Variants in CDKN2A observed in about 807,000 individuals in gnomAD.
CDKN2A encodes cyclin dependent kinase inhibitor 2A.
In CDKN2A, 3 loss-of-function variants were observed where a neutral mutation model predicts 11.1. That is an observed-to-expected ratio of 0.27 (90% CI 0.12 to 0.70). The LOEUF is 0.70. CDKN2A is among the 30% of genes least tolerant of loss of function. The pLI, the probability that CDKN2A is intolerant of heterozygous loss-of-function variation, is 0.77. For missense variants in CDKN2A, 265 were observed against 233.6 expected (o/e 1.13, Z -0.88); for synonymous variants, 122 against 108.1 (o/e 1.13, Z -0.80).
chr9:21,970,690 T>G, intron 2 of CDKN2A: 2 of 648,586 alleles, frequency 3.1e-6, no homozygotes, highest in Non-Finnish European at 5.4e-6. Flanking sequence ...AAAATGGGCT[T>G]TCACGTGCGC....
chr9:21,972,622 C>T lies in CDKN2A; in HGVS notation c.151-1414G>A, dbSNP rs145130203. On this transcript the variant is annotated intron_variant, in intron 1 of 2. Transcript: ENST00000304494. ...ATAATTTTGTGTTTGTTTTAGCTAA[C>T]ACATTTGTGATAATTTGTAACAGCA... Among the ~76,000 whole-genome samples, 88 of 152,308 alleles carry T rather than the reference C, an allele frequency of 5.8e-4. 1 individual carries two copies. Among genetic ancestry groups the T allele is most frequent in the African/African-American group, 1.9e-3 (80 of 41,570 alleles).
intron 2 of CDKN2A, among the ~76,000 whole-genome samples, chr9:21,980,133 T>C (rs1820137242): frequency 6.6e-6 from 1 of 152,194 alleles, no homozygotes; most frequent in Non-Finnish European, 1.5e-5. Context: ...ATGTATCTAA[T>C]GAACTATTTT....
chr9:21,990,851 C>G (rs1820415469), intron 2 of CDKN2A, among the ~76,000 whole-genome samples: 1 of 152,096 alleles, frequency 6.6e-6, no homozygotes, highest in Non-Finnish European at 1.5e-5. Context: ...TTGTCAGAAC[C>G]TTTCTTTCCT....
intron 2 of CDKN2A, chr9:21,992,395 A>C (rs1407121380): frequency 1.0e-6 from 1 of 983,562 alleles, no homozygotes; most frequent in African/African-American, 1.7e-5. Flanking sequence ...CATATATTTC[A>C]AGACATTCTA....
At chr9:21,983,868 A>G (rs977595715) in intron 2 of CDKN2A, among the ~76,000 whole-genome samples, 1 of 152,004 alleles carries the variant, frequency 6.6e-6, no homozygotes, top group African/African-American at 2.4e-5. Flanking sequence ...TTAAACTCAG[A>G]TAGAACTGAC....
chr9:21,975,701 T>C (rs1450193163), upstream of CDKN2A, among the ~76,000 whole-genome samples: 1 of 152,164 alleles, frequency 6.6e-6, no homozygotes, highest in Non-Finnish European at 1.5e-5. Context: ...ATTCTGCCTG[T>C]AGGCAGATAG....
intron 2 of CDKN2A, chr9:21,992,609 G>C (rs1820453262): frequency 4.0e-6 from 1 of 253,090 alleles, no homozygotes; most frequent in Non-Finnish European, 6.2e-6. Context: ...ATGTTTTATA[G>C]GCCTAAACTA....
upstream of CDKN2A, among the ~76,000 whole-genome samples, chr9:21,976,403 G>A (rs113650570): frequency 0.021 from 2,935 of 142,578 alleles, 43 homozygotes; most frequent in Middle Eastern, 0.038. Flanking sequence ...AAATGCTTTG[G>A]ATAGAATTAT....
At chr9:21,992,370 G>A (rs1820448188) in intron 2 of CDKN2A, 1 of 965,416 alleles carries the variant, frequency 1.0e-6, no homozygotes, top group African/African-American at 1.8e-5. Flanking sequence ...TTTTACATAT[G>A]AAATTGGAAA....
chr9:21,968,617 C>G lies in CDKN2A; in HGVS notation c.458-375G>C. 2.6e-6 allele frequency: 4 copies of G among 1,510,246 alleles called. No homozygotes were observed. The highest frequency in any genetic ancestry group is 2.5e-5 in the East Asian group (1 of 40,732). 93.6% of individuals were successfully genotyped at this position (1,510,246 alleles called of 1,614,324 possible). On this transcript the variant is annotated intron_variant, in intron 2 of 2. Transcript: ENST00000304494. This position sits in a 1 kb window ranked among gnomAD's most constrained non-coding sequence, Gnocchi z 4.7. Reference sequence around the variant, plus strand: ...CGTGAAGATGTGGCCTTTCCCTTCCCGCATCCCCAGGCATCTTTTGCACCT... The same window carrying G: ...CGTGAAGATGTGGCCTTTCCCTTCCGGCATCCCCAGGCATCTTTTGCACCT...
chr9:21,982,579 T>C (rs145319835), intron 2 of CDKN2A, among the ~76,000 whole-genome samples: 2 of 152,222 alleles, frequency 1.3e-5, no homozygotes, highest in East Asian at 3.9e-4. Context: ...AGTATGTATG[T>C]ATGTACATAC....
chr9:21,987,870 T>C (rs1279424910), intron 2 of CDKN2A, among the ~76,000 whole-genome samples: 1 of 152,194 alleles, frequency 6.6e-6, no homozygotes. Context: ...AATGGGCCAC[T>C]TGTATTAGTA....
intron 2 of CDKN2A, chr9:21,989,402 A>T (rs904383103): frequency 6.6e-6 from 1 of 152,154 alleles, no homozygotes; most frequent in Non-Finnish European, 1.5e-5. Flanking sequence ...GAAAATTTTC[A>T]AACATGGGGA....
At chr9:21,993,601 T>C (rs1421817168) in intron 2 of CDKN2A, among the ~76,000 whole-genome samples, 1 of 152,178 alleles carries the variant, frequency 6.6e-6, no homozygotes, top group Non-Finnish European at 1.5e-5. Flanking sequence ...TAACTGATCC[T>C]ACGATCCTTG....
Position 21,967,800 on chromosome 9 carries a change from G to T in CDKN2A, c.*429C>A. 3.3e-6 allele frequency: 1 copy of T among 302,988 alleles called. No homozygotes were observed. The highest frequency in any genetic ancestry group is 6.3e-6 in the Non-Finnish European group (1 of 159,996). The allele number at this position is 302,988 out of a possible 1,614,324, so 18.8% of individuals were successfully genotyped here. ...TTATTTTTATTTGAGCTTTGGTTCT[G>T]CCATTTGCTAGCAGTGTGACTCAAG... On this transcript the variant is annotated 3_prime_UTR_variant, in exon 3 of 3. Transcript: ENST00000304494.
At chr9:21,975,102 C>T, upstream of CDKN2A, 4 of 1,269,074 alleles carry the variant, frequency 3.2e-6, no homozygotes, top group African/African-American at 1.6e-5. Flanking sequence ...GGTTGGGTCT[C>T]CCCCGGGGGC....
At chr9:21,977,189 A>C (rs1227397234), upstream of CDKN2A, among the ~76,000 whole-genome samples, 1 of 152,236 alleles carries the variant, frequency 6.6e-6, no homozygotes, top group Non-Finnish European at 1.5e-5. Context: ...GGTACCTCTC[A>C]ATTAGCTGTG....
At chr9:21,992,155 C>T (rs1820443759) in intron 2 of CDKN2A, 1 of 812,648 alleles carries the variant, frequency 1.2e-6, no homozygotes. Flanking sequence ...GTTAAAATAA[C>T]ATCTTATTTG....
intron 2 of CDKN2A, among the ~76,000 whole-genome samples, chr9:21,979,979 G>A (rs1820134089): frequency 6.6e-6 from 1 of 152,194 alleles, no homozygotes; most frequent in Non-Finnish European, 1.5e-5. Flanking sequence ...AGAAGGTAGT[G>A]TTCCAGAGTT....
Sources: allele counts gnomAD v4.1 joint callset (sites outside exome capture counted in the v4.1 genomes callset), GRCh38; gene constraint gnomAD v4.1.1; non-coding constraint Gnocchi (gnomAD v3.1); transcripts MANE v1.5; gene names NCBI Gene and HGNC (gene_info 2026-07-23, HGNC 2026-07-21).